The following ANOS1 variants were observed in gnomAD, a reference collection of about 807,000 sequenced individuals.
ANOS1 encodes anosmin 1.
In ANOS1, 6 loss-of-function variants were observed where a neutral mutation model predicts 59.0. The observed-to-expected ratio is 0.10, with a 90% CI of 0.06 to 0.20. ANOS1 has a LOEUF of 0.20. Ranked by LOEUF, ANOS1 falls within the 10% of genes least tolerant of loss-of-function variation. The probability of loss-of-function intolerance (pLI) is 1.00; values close to 1 mark genes in which losing one functional copy is unlikely to be tolerated. For missense variants in ANOS1, 433 were observed against 542.3 expected, an observed-to-expected ratio of 0.80 and a Z score of 2.00; for synonymous variants, 217 against 223.4, an observed-to-expected ratio of 0.97 and a Z score of 0.25.
intron 1 of ANOS1, among the ~76,000 whole-genome samples, chrX:8,714,671 T>C (rs1433016736): frequency 9.0e-6 from 1 of 111,339 alleles, no homozygotes; most frequent in African/African-American, 3.3e-5. Flanking sequence ...ACATGTAAAC[T>C]AGGAGATGCA....
At chrX:8,588,359 T>C (rs1930557357) in intron 4 of ANOS1, among the ~76,000 whole-genome samples, 1 of 111,650 alleles carries the variant, frequency 9.0e-6, no homozygotes, top group East Asian at 2.8e-4. Flanking sequence ...GAGATCATTA[T>C]AAAGAGTTTC....
intron 2 of ANOS1, among the ~76,000 whole-genome samples, chrX:8,661,347 G>A (rs1435787622): frequency 3.6e-5 from 4 of 112,013 alleles, no homozygotes; most frequent in East Asian, 2.8e-4. Flanking sequence ...CCTCTCCTGG[G>A]CTTGTAGATG....
chrX:8,730,417 G>A (rs1602049860), intron 1 of ANOS1, among the ~76,000 whole-genome samples: 1 of 112,828 alleles, frequency 8.9e-6, no homozygotes, highest in African/African-American at 3.2e-5. Context: ...CCCACGAGAC[G>A]CTGCTTCTAC....
intron 2 of ANOS1, among the ~76,000 whole-genome samples, chrX:8,637,984 G>A (rs1207608146): frequency 2.7e-5 from 3 of 111,820 alleles, no homozygotes; most frequent in African/African-American, 9.7e-5. Context: ...CAGCTTCCTG[G>A]GTATCTGTAG....
chrX:8,617,118 C>G (rs183392579), intron 3 of ANOS1, among the ~76,000 whole-genome samples: 4 of 112,091 alleles, frequency 3.6e-5, no homozygotes, highest in African/African-American at 9.7e-5. Flanking sequence ...CTAAATGGTA[C>G]AAATTCTATG....
At chrX:8,609,302 ACT>A (rs1931000158) in intron 3 of ANOS1, among the ~76,000 whole-genome samples, 1 of 111,482 alleles carries the variant, frequency 9.0e-6, no homozygotes, top group Non-Finnish European at 1.9e-5. Flanking sequence ...GACCTCTACA[ACT>A]CTGATTGGAC....
rs149723168 is a variant in ANOS1, at chrX:8,667,662, G to A, written c.255+32036C>T. Among the ~76,000 whole-genome samples, 716 of 111,574 alleles carry A rather than the reference G, an allele frequency of 6.4e-3. 10 individuals carry two copies. The highest frequency in any genetic ancestry group is 0.021 in the African/African-American group (643 of 30,654). ...CCTTTGTTCATTTCAGACCCTGTGA[G>A]GTCTACTGGAGATAAAATATCATCA... On this transcript the variant is annotated intron_variant, in intron 2 of 13. Coordinates refer to ENST00000262648, the MANE Select transcript of ANOS1 (RefSeq NM_000216.4).
At chrX:8,581,997 A>G (rs1324101822) in intron 6 of ANOS1, among the ~76,000 whole-genome samples, 1 of 111,802 alleles carries the variant, frequency 8.9e-6, no homozygotes, top group Non-Finnish European at 1.9e-5. Context: ...ATTTCCTCAT[A>G]TATTGAACAA....
chrX:8,645,334 C>G (rs2079519), intron 2 of ANOS1, among the ~76,000 whole-genome samples: 128 of 111,833 alleles, frequency 1.1e-3, no homozygotes, highest in South Asian at 1.0e-2. Flanking sequence ...GAGCTTTCTG[C>G]AGGTGTCGGC....
intron 2 of ANOS1, among the ~76,000 whole-genome samples, chrX:8,669,447 T>A (rs989745291): frequency 1.8e-5 from 2 of 110,918 alleles, no homozygotes; most frequent in Non-Finnish European, 3.8e-5. Context: ...TAATGCAAGA[T>A]AACAGTAGGG....
At chrX:8,619,896 A>C (rs984382339) in intron 3 of ANOS1, among the ~76,000 whole-genome samples, 1 of 112,453 alleles carries the variant, frequency 8.9e-6, no homozygotes, top group Non-Finnish European at 1.9e-5. Flanking sequence ...CTAAATGGTA[A>C]GATGAGTTTT....
intron 2 of ANOS1, among the ~76,000 whole-genome samples, chrX:8,662,535 A>G (rs1932056781): frequency 8.9e-6 from 1 of 112,058 alleles, no homozygotes; most frequent in African/African-American, 3.2e-5. Flanking sequence ...GCTGTCATAG[A>G]TTGGACTGTG....
At chrX:8,588,554 G>A (rs1393410654) in intron 4 of ANOS1, among the ~76,000 whole-genome samples, 2 of 111,859 alleles carry the variant, frequency 1.8e-5, no homozygotes, top group Non-Finnish European at 3.8e-5. Context: ...CAAGTCTTTT[G>A]GATTCCGCAA....
intron 6 of ANOS1, among the ~76,000 whole-genome samples, chrX:8,580,994 G>A (rs747865348): frequency 9.0e-6 from 1 of 111,586 alleles, no homozygotes; most frequent in African/African-American, 3.3e-5. Flanking sequence ...AGCAAACAGG[G>A]ATAAATGGGC....
At chrX:8,708,067 T>C (rs932308205) in intron 1 of ANOS1, among the ~76,000 whole-genome samples, 2 of 111,272 alleles carry the variant, frequency 1.8e-5, no homozygotes, top group Non-Finnish European at 3.8e-5. Flanking sequence ...CTACTAAAAA[T>C]ACAAAAATAA....
intron 2 of ANOS1, among the ~76,000 whole-genome samples, chrX:8,665,380 G>T (rs1193136045): frequency 8.9e-6 from 1 of 112,240 alleles, no homozygotes; most frequent in African/African-American, 3.2e-5. Context: ...GTACTTCAGA[G>T]GTGAGATATT....
At chrX:8,674,955 T>TTC (rs1201774858) in intron 2 of ANOS1, among the ~76,000 whole-genome samples, 3 of 111,711 alleles carry the variant, frequency 2.7e-5, no homozygotes, top group Non-Finnish European at 5.6e-5. Context: ...CTGCCCTGCC[T>TTC]TCTGCCCTGT....
chrX:8,695,939 A>G (rs1322026955), intron 2 of ANOS1, among the ~76,000 whole-genome samples: 4 of 112,117 alleles, frequency 3.6e-5, no homozygotes, highest in Non-Finnish European at 7.5e-5. Flanking sequence ...CTGAGCATCT[A>G]TGACATGAAG....
At position 8,567,241 on chromosome X, in the gene ANOS1, GA is replaced by G. The variant is rs1378660947; in HGVS notation, c.1207+990del. On this transcript the variant is annotated intron_variant, in intron 8 of 13. Transcript: ENST00000262648. The stretch of plus-strand genomic sequence containing the variant: ...GCAAACATACTAACATACTAGGTAA[GA>G]AAAAAAGAAACAAGGAAAAGCAATA... 5.4e-5 allele frequency among the ~76,000 whole-genome samples: 6 copies of G among 111,552 alleles called. No individual in the cohort carries two copies. In the South Asian group the frequency reaches 2.3e-3, roughly 42 times the overall value.
Sources: allele counts gnomAD v4.1 joint callset (sites outside exome capture counted in the v4.1 genomes callset), GRCh38; gene constraint gnomAD v4.1.1; transcripts MANE v1.5; gene names NCBI Gene and HGNC (gene_info 2026-07-23, HGNC 2026-07-21).